The following COL26A1 variants were observed in gnomAD, a reference collection of about 807,000 sequenced individuals.
COL26A1 encodes collagen type XXVI alpha 1 chain, also known as collagen alpha-1(XXVI) chain.
In COL26A1, 41 loss-of-function variants were observed where a neutral mutation model predicts 59.3. That is an observed-to-expected ratio of 0.69 (90% CI 0.54 to 0.90). The LOEUF (loss-of-function observed/expected upper bound fraction) is 0.90. Ranked by LOEUF, COL26A1 falls within the 40% of genes least tolerant of loss-of-function variation. The pLI is 0.00. For synonymous variants in COL26A1, 266 were observed against 256.0 expected (o/e 1.04, Z -0.37); for missense variants, 612 against 602.3 (o/e 1.02, Z -0.17).
At chr7:101,473,284 C>A (rs1793949604) in intron 3 of COL26A1, among the ~76,000 whole-genome samples, 2 of 151,418 alleles carry the variant, frequency 1.3e-5, no homozygotes, top group Admixed American at 6.6e-5. Flanking sequence ...TTTCACCATT[C>A]ACCGCATGGT....
At chr7:101,394,724 A>C (rs1791814248) in intron 1 of COL26A1, among the ~76,000 whole-genome samples, 1 of 148,764 alleles carries the variant, frequency 6.7e-6, no homozygotes, top group African/African-American at 2.5e-5. Context: ...CGCCCGGCCA[A>C]CCACACTCTT....
At chr7:101,550,215 C>T (rs1562801845) in intron 9 of COL26A1, among the ~76,000 whole-genome samples, 1 of 152,276 alleles carries the variant, frequency 6.6e-6, no homozygotes, top group South Asian at 2.1e-4. Flanking sequence ...AATCCCAGCA[C>T]TTTGGGAGGC....
intron 3 of COL26A1, among the ~76,000 whole-genome samples, chr7:101,506,428 G>A (rs1794813712): frequency 6.6e-6 from 1 of 152,218 alleles, no homozygotes; most frequent in Non-Finnish European, 1.5e-5. Flanking sequence ...CAATGAAAGA[G>A]CTGGTGGGGG....
chr7:101,471,781 T>C (rs1426950010), intron 3 of COL26A1, among the ~76,000 whole-genome samples: 1 of 151,978 alleles, frequency 6.6e-6, no homozygotes, highest in Non-Finnish European at 1.5e-5. Context: ...GGTTTCACCA[T>C]GTTGGCTGGG....
chr7:101,489,957 G>C (rs1794421364), intron 3 of COL26A1, among the ~76,000 whole-genome samples: 1 of 112,024 alleles, frequency 8.9e-6, no homozygotes, highest in Non-Finnish European at 1.9e-5. Flanking sequence ...CTTTCTTTCT[G>C]ATGGAGACTT....
rs574627416 is a variant in COL26A1 at position 101,437,470 on chromosome 7, G to A, written c.282-10214G>A. ...ATCGGGCGGAGTTCTGAATGGGGGC[G>A]GGGAGGAGCTGGTGGCCAAGGAGAG... On this transcript the variant is annotated intron_variant, in intron 2 of 12. Coordinates refer to ENST00000313669, the MANE Select transcript of COL26A1 (RefSeq NM_001278563.3). 3.9e-5 allele frequency among the ~76,000 whole-genome samples: 6 copies of A among 152,050 alleles called. No individual in the cohort carries two copies. In the East Asian group the frequency reaches 9.7e-4, roughly 24 times the overall value.
intron 1 of COL26A1, among the ~76,000 whole-genome samples, chr7:101,378,670 A>C (rs1193110715): frequency 6.6e-6 from 1 of 151,952 alleles, no homozygotes; most frequent in Non-Finnish European, 1.5e-5. Flanking sequence ...GCATGTGTGT[A>C]AGCTGTTTGC....
At chr7:101,383,396 C>T (rs940521134) in intron 1 of COL26A1, among the ~76,000 whole-genome samples, 5 of 150,886 alleles carry the variant, frequency 3.3e-5, no homozygotes, top group Non-Finnish European at 5.9e-5. Context: ...GATGGAGTTT[C>T]ACTTTTGTTG....
chr7:101,389,376 CAT>C (rs1791669179), intron 1 of COL26A1, among the ~76,000 whole-genome samples: 1 of 121,314 alleles, frequency 8.2e-6, no homozygotes, highest in Non-Finnish European at 1.7e-5. Context: ...ATGATTTGCA[CAT>C]TTTTTTTTTT....
At chr7:101,382,354 C>T (rs1011636121) in intron 1 of COL26A1, among the ~76,000 whole-genome samples, 1 of 152,160 alleles carries the variant, frequency 6.6e-6, no homozygotes, top group Non-Finnish European at 1.5e-5. Context: ...CTCTGTTTCT[C>T]CATAGGCTGT....
intron 3 of COL26A1, among the ~76,000 whole-genome samples, chr7:101,468,566 G>T (rs1793820905): frequency 6.6e-6 from 1 of 152,192 alleles, no homozygotes; most frequent in African/African-American, 2.4e-5. Context: ...GACCCACTGA[G>T]CCCTGGTTAT....
chr7:101,513,267 CA>C (rs1794963861), intron 3 of COL26A1, among the ~76,000 whole-genome samples: 1 of 151,934 alleles, frequency 6.6e-6, no homozygotes, highest in Admixed American at 6.6e-5. Context: ...CTTGGCCCCC[CA>C]AAGTGCTGGG....
At chr7:101,471,574 T>TG (rs796503728) in intron 3 of COL26A1, among the ~76,000 whole-genome samples, 1,339 of 61,394 alleles carry the variant, frequency 0.022, 27 homozygotes, top group African/African-American at 0.036. Flanking sequence ...GTTGTTTGTT[T>TG]TTTTTTTTTT....
intron 3 of COL26A1, among the ~76,000 whole-genome samples, chr7:101,479,860 A>C (rs1794119870): frequency 6.6e-6 from 1 of 152,250 alleles, no homozygotes; most frequent in Non-Finnish European, 1.5e-5. Context: ...CATAATGATC[A>C]AATATCCATC....
In COL26A1 at chr7:101,366,335, A is replaced by T. The variant is rs1241122843; in HGVS notation, c.158+3145A>T. Among the ~76,000 whole-genome samples the T allele has an allele frequency of 3.3e-5, 5 of 152,118 alleles. No individual in the cohort carries two copies. In the East Asian group the frequency reaches 9.6e-4, roughly 29 times the overall value. ...ATGTCCAGAAGCTGAAGGCTTGGGG[A>T]CAGCAGTGGTCCTTGCAGCCTTGGC... On this transcript the variant is annotated intron_variant, in intron 1 of 12. Coordinates refer to ENST00000313669, the MANE Select transcript of COL26A1 (RefSeq NM_001278563.3).
chr7:101,376,285 T>C (rs1312511139), intron 1 of COL26A1, among the ~76,000 whole-genome samples: 7 of 152,020 alleles, frequency 4.6e-5, no homozygotes, highest in Admixed American at 4.6e-4. Context: ...CCAGTGTGGG[T>C]GACAGAGTGA....
At chr7:101,483,437 C>G (rs1432123224) in intron 3 of COL26A1, among the ~76,000 whole-genome samples, 2 of 152,042 alleles carry the variant, frequency 1.3e-5, no homozygotes, top group Non-Finnish European at 2.9e-5. Context: ...ACCTCGTGAT[C>G]CACCCACCTC....
intron 1 of COL26A1, among the ~76,000 whole-genome samples, chr7:101,376,929 G>C (rs747647204): frequency 6.6e-6 from 1 of 152,130 alleles, no homozygotes; most frequent in Non-Finnish European, 1.5e-5. Context: ...CGTGATCTTA[G>C]CTCACTGCAA....
intron 1 of COL26A1, among the ~76,000 whole-genome samples, chr7:101,379,031 C>T (rs1029217323): frequency 9.2e-5 from 14 of 152,204 alleles, no homozygotes; most frequent in African/African-American, 3.1e-4. Flanking sequence ...TAGCAGTTTC[C>T]TTCTGATTTG....
Sources: allele counts gnomAD v4.1 joint callset (sites outside exome capture counted in the v4.1 genomes callset), GRCh38; gene constraint gnomAD v4.1.1; transcripts MANE v1.5; gene names NCBI Gene and HGNC (gene_info 2026-07-23, HGNC 2026-07-21).